The following USP24 variants were observed in gnomAD, a reference collection of about 807,000 sequenced individuals.
USP24 encodes the protein ubiquitin carboxyl-terminal hydrolase 24.
In USP24, 97 loss-of-function variants were observed where a neutral mutation model predicts 361.6. The observed-to-expected ratio is 0.27, with a 90% CI of 0.23 to 0.32. USP24 has a LOEUF of 0.32. Among genes scored for constraint, USP24 ranks in the 10% least tolerant of loss-of-function variants. The pLI is 1.00. For missense variants in USP24, 2,353 were observed against 3,165.6 expected, an observed-to-expected ratio of 0.74 and a Z score of 6.16; for synonymous variants, 1,098 against 1,124.6, an observed-to-expected ratio of 0.98 and a Z score of 0.47.
chr1:55,176,381 TA>T lies in USP24; in HGVS notation c.552del (p.Phe184LeufsTer5). The T allele has an allele frequency of 6.4e-7, 1 of 1,568,284 alleles. No homozygotes were observed. The highest frequency in any genetic ancestry group is 1.9e-5 in the Admixed American group (1 of 53,172). On this transcript the variant is annotated frameshift_variant, in exon 3 of 68. Transcript: ENST00000294383. LOFTEE classifies it high-confidence loss of function. ...CAGCAGCACATTTTTCTTACCTTTTTAAATGCTTCAGGCATACACCTGTCCA... is the reference window on the plus strand; with the variant it reads ...CAGCAGCACATTTTTCTTACCTTTTTAATGCTTCAGGCATACACCTGTCCA... Reference protein sequence around the residue: ...RFMDRCMPEAFKKLLTSSAVH... With the variant: ...RFMDRCMPEAXKKLLTSSAVH...
intron 44 of USP24, among the ~76,000 whole-genome samples, chr1:55,100,504 A>C (rs1645606565): frequency 6.6e-6 from 1 of 152,194 alleles, no homozygotes; most frequent in Non-Finnish European, 1.5e-5. Context: ...CTCAAAAAAA[A>C]AAAAAAAGTG....
rs1645197624 is a variant in USP24, at chr1:55,083,778, T to A, written c.6876A>T (p.Val2292=). 6.3e-7 allele frequency: 1 copy of A among 1,579,842 alleles called. No homozygotes were observed. The highest frequency in any genetic ancestry group is 1.4e-5 in the African/African-American group (1 of 73,952). The part of the protein sequence containing the change: ...AQYFFLFNTF[V]QKQGIRAGDL... Reference sequence around the variant, plus strand: ...TAGGAAAAAAATTATTTACCTTTTGTACAAAAGTGTTGAACAGGAAAAAGT... The same window carrying A: ...TAGGAAAAAAATTATTTACCTTTTGAACAAAAGTGTTGAACAGGAAAAAGT... The change falls in exon 57 of 68, where the codon GTA becomes GTT. Residue 2292 remains valine (V), a synonymous_variant. Coordinates refer to ENST00000294383, the MANE Select transcript of USP24 (RefSeq NM_015306.3).
chr1:55,146,106 A>C lies in USP24; in HGVS notation c.2254T>G (p.Cys752Gly). 5 of 1,610,290 alleles carry C rather than the reference A, an allele frequency of 3.1e-6. No homozygotes were observed. Among genetic ancestry groups the C allele is most frequent in the South Asian group, 1.1e-5 (1 of 90,840 alleles). Reference sequence around the variant, plus strand: ...TGTCCTTTTGTAAACCATTCAAAACACATCTGTGGAATAAGACGAATATCA... The same window carrying C: ...TGTCCTTTTGTAAACCATTCAAAACCCATCTGTGGAATAAGACGAATATCA... ...QDVCELDREMCFEWFTKGQHD... is the reference protein window; with the variant it reads ...QDVCELDREMGFEWFTKGQHD... Residue 752 changes from cysteine (C) to glycine (G), a missense_variant, in exon 20 of 68, where the codon TGT becomes GGT. By Grantham distance (159) the Cys-to-Gly change is radical. This residue lies in a region of USP24 where 949 missense variants were observed against 1,280.5 expected (regional missense o/e 0.74). Transcript: ENST00000294383.
rs190935983 is a variant in USP24, at chr1:55,174,774, C to A, written c.558+1602G>T. 1.2e-3 allele frequency among the ~76,000 whole-genome samples: 185 copies of A among 152,068 alleles called. 1 individual carries two copies. Among genetic ancestry groups the A allele is most frequent in the Non-Finnish European group, 3.8e-4 (26 of 68,010 alleles). On this transcript the variant is annotated intron_variant, in intron 3 of 67. Transcript: ENST00000294383. Reference sequence around the variant, plus strand: ...TGTGTCACAGTATGTTACAATATAACAATTTTGCTATTTTTATTTTACTTT... The same window carrying A: ...TGTGTCACAGTATGTTACAATATAAAAATTTTGCTATTTTTATTTTACTTT...
In USP24 at chr1:55,068,357, A is replaced by G. The variant is rs185908275; in HGVS notation, c.*688T>C. The G allele has an allele frequency of 2.0e-5, 3 of 152,210 alleles. No homozygotes were observed. Among genetic ancestry groups the G allele is most frequent in the Admixed American group, 1.3e-4 (2 of 15,292 alleles). 9.4% of individuals were successfully genotyped at this position (152,210 alleles called of 1,614,324 possible). ...AGCATTTTCAAAATTGCTCTTTTCA[A>G]TCTAATTATATCAGAAAAATATCTT... On this transcript the variant is annotated 3_prime_UTR_variant, in exon 68 of 68. Transcript: ENST00000294383.
rs533569909 is a variant in USP24, at chr1:55,153,353, T to C, written c.1860+517A>G. ...CAAGTCCGTATCCAACCCTACCTTC[T>C]AAAATGAAGCCCCAGCAACAGATAC... On this transcript the variant is annotated intron_variant, in intron 16 of 67. Transcript: ENST00000294383. Among the ~76,000 whole-genome samples, 49 of 152,314 alleles carry C rather than the reference T, an allele frequency of 3.2e-4. 1 individual carries two copies. In the South Asian group the frequency reaches 9.7e-3, roughly 30 times the overall value.
At chr1:55,146,134 C>T in intron 19 of USP24, 25 bp from the exon 20 acceptor site, 1 of 1,549,640 alleles carries the variant, frequency 6.5e-7, no homozygotes, top group Middle Eastern at 1.7e-4. Flanking sequence ...GAATATCACC[C>T]TATAACTAAG....
At position 55,178,731 on chromosome 1, in the gene USP24, A is replaced by G. The variant is rs531902646; in HGVS notation, c.325-599T>C. Among the ~76,000 whole-genome samples, 588 of 145,356 alleles carry G rather than the reference A, an allele frequency of 4.0e-3. 4 individuals are homozygous for G. Among genetic ancestry groups the G allele is most frequent in the African/African-American group, 0.013 (517 of 39,674 alleles). ...AATAAATAAATAAATAAATAAATAA[A>G]AAGAACTGTCTAGGCCGGACATGGT... is the stretch of plus-strand genomic sequence containing the variant. On this transcript the variant is annotated intron_variant, in intron 1 of 67. Coordinates refer to ENST00000294383, the MANE Select transcript of USP24 (RefSeq NM_015306.3).
chr1:55,122,550 C>T (rs548849839), intron 36 of USP24, among the ~76,000 whole-genome samples: 9 of 152,156 alleles, frequency 5.9e-5, no homozygotes, highest in African/African-American at 2.2e-4. Flanking sequence ...GAATAAACTG[C>T]AAGGCAGAAG....
chr1:55,087,453 C>T (rs547271367), intron 55 of USP24, among the ~76,000 whole-genome samples: 163 of 152,336 alleles, frequency 1.1e-3, no homozygotes, highest in African/African-American at 3.8e-3. Context: ...TTGCCATGTT[C>T]CTTCCAAATG....
intron 1 of USP24, among the ~76,000 whole-genome samples, chr1:55,203,889 C>A (rs1290300791): frequency 6.6e-6 from 1 of 152,164 alleles, no homozygotes; most frequent in African/African-American, 2.4e-5. Context: ...CTAACATTTT[C>A]TCAAAATTAA....
intron 1 of USP24, among the ~76,000 whole-genome samples, chr1:55,182,027 C>A (rs1275944200): frequency 1.3e-5 from 2 of 152,136 alleles, no homozygotes; most frequent in Non-Finnish European, 2.9e-5. Context: ...GAATCCTCAC[C>A]AGAAACCAAC....
intron 38 of USP24, among the ~76,000 whole-genome samples, chr1:55,110,991 TG>T: frequency 6.6e-6 from 1 of 152,210 alleles, no homozygotes; most frequent in South Asian, 2.1e-4. Context: ...CCAAGAATTA[TG>T]GTTATAAAAA....
chr1:55,142,889 G>A, intron 22 of USP24, 90 bp downstream of exon 22: 1 of 1,421,182 alleles, frequency 7.0e-7, no homozygotes, highest in Non-Finnish European at 9.5e-7. Flanking sequence ...CCAATTTTTG[G>A]TCATGCCAAG....
At chr1:55,188,964 C>CAAAAAAA (rs533085761) in intron 1 of USP24, among the ~76,000 whole-genome samples, 340 of 74,312 alleles carry the variant, frequency 4.6e-3, no homozygotes, top group Middle Eastern at 8.9e-3. Context: ...AACTCCATCT[C>CAAAAAAA]AAAAAAAAAA....
intron 55 of USP24, chr1:55,086,346 T>C: frequency 2.8e-6 from 1 of 359,292 alleles, no homozygotes; most frequent in Non-Finnish European, 5.2e-6. Context: ...CAGACTCAGC[T>C]GCAATTCTCT....
At chr1:55,169,515 T>C (rs1314675551) in intron 5 of USP24, among the ~76,000 whole-genome samples, 2 of 152,078 alleles carry the variant, frequency 1.3e-5, no homozygotes, top group African/African-American at 2.4e-5. Flanking sequence ...CCATGGTTAA[T>C]CACATTACAA....
At chr1:55,202,844 T>C (rs1248625360) in intron 1 of USP24, among the ~76,000 whole-genome samples, 1 of 152,248 alleles carries the variant, frequency 6.6e-6, no homozygotes, top group Non-Finnish European at 1.5e-5. Flanking sequence ...AATTGCTCAA[T>C]CTTCCTTTCC....
At chr1:55,172,027 C>T (rs1364975743) in intron 4 of USP24, among the ~76,000 whole-genome samples, 3 of 152,078 alleles carry the variant, frequency 2.0e-5, no homozygotes, top group African/African-American at 4.8e-5. Context: ...ATGAGGGTCC[C>T]TTCTTCATGC....
Sources: gnomAD v4.1 joint callset for allele counts (sites outside exome capture counted in the v4.1 genomes callset) on GRCh38, gnomAD v4.1.1 for gene constraint, gnomAD v4.1.1 regional missense constraint, MANE v1.5 for transcripts, NCBI Gene and HGNC (gene_info 2026-07-23, HGNC 2026-07-21) for gene names.